Variants in BAZ2A observed in about 807,000 individuals in gnomAD.
The protein encoded by BAZ2A is bromodomain adjacent to zinc finger domain 2A.
A neutral mutation model predicts 199.9 loss-of-function variants in BAZ2A; 34 were observed. The observed-to-expected ratio is 0.17, with a 90% confidence interval of 0.13 to 0.23. The LOEUF (loss-of-function observed/expected upper bound fraction) is 0.23, where lower values mean the gene tolerates loss of function less well. Among genes scored for constraint, BAZ2A ranks in the 10% least tolerant of loss-of-function variants. The pLI is 1.00. For synonymous variants in BAZ2A, 857 were observed against 883.9 expected (o/e 0.97, Z 0.54); for missense variants, 2,002 against 2,391.1 (o/e 0.84, Z 3.39).
At chr12:56,637,841 C>T (rs190001725), upstream of BAZ2A, among the ~76,000 whole-genome samples, 21 of 151,982 alleles carry the variant, frequency 1.4e-4, no homozygotes, top group African/African-American at 4.6e-4. Context: ...ATCACACTAC[C>T]CACAGGAAAC....
rs772914577 is a variant in BAZ2A, at chr12:56,598,786, G to A, written c.5547-3C>T. ...CAAACTCCTCTGAGCTGGTGTACCT[G>A]GACAGGGCAGGGGCAAAACTGTGAG... is the stretch of plus-strand genomic sequence containing the variant. On this transcript the variant is annotated splice_polypyrimidine_tract_variant and splice_region_variant and intron_variant, in intron 28 of 28. Transcript: ENST00000549884. The A allele has an allele frequency of 1.5e-5, 24 of 1,611,204 alleles. No individual in the cohort carries two copies. The highest frequency in any genetic ancestry group is 2.0e-5 in the Non-Finnish European group (23 of 1,178,672).
chr12:56,615,939 A>G (rs1950706660), intron 2 of BAZ2A, among the ~76,000 whole-genome samples: 2 of 151,982 alleles, frequency 1.3e-5, no homozygotes, highest in South Asian at 2.1e-4. Context: ...GAATCTCGCT[A>G]TGTCACCAGG....
intron 1 of BAZ2A, among the ~76,000 whole-genome samples, chr12:56,627,757 T>A (rs1196039854): frequency 1.4e-5 from 2 of 141,012 alleles, no homozygotes. Flanking sequence ...GCCAAAGAGG[T>A]CGGGGCTGCA....
rs997549696 is a variant in BAZ2A, at chr12:56,599,436, G to A, written c.5173-78C>T. ...CCTACTACAATCTCTGCCTAAATAT[G>A]ATTTAAGGCTTCAAAATACTATCAT... On this transcript the variant is annotated intron_variant, in intron 26 of 28. Transcript: ENST00000549884. The A allele has an allele frequency of 2.7e-6, 4 of 1,456,340 alleles. No homozygotes were observed. In the African/African-American group the frequency reaches 5.6e-5, roughly 20 times the overall value. 90.2% of individuals were successfully genotyped at this position (1,456,340 alleles called of 1,614,324 possible).
chr12:56,616,189 C>T (rs1156667753), intron 2 of BAZ2A, among the ~76,000 whole-genome samples: 1 of 152,176 alleles, frequency 6.6e-6, no homozygotes, highest in Non-Finnish European at 1.5e-5. Context: ...GCGTGAGCCA[C>T]CACGCCTGGC....
At chr12:56,638,260 C>T (rs1062544), upstream of BAZ2A, 30 of 1,404,252 alleles carry the variant, frequency 2.1e-5, no homozygotes, top group Non-Finnish European at 2.9e-5. Context: ...GCAGCCTACA[C>T]AGAAAAATGA....
At position 56,600,023 on chromosome 12, in the gene BAZ2A, A is replaced by G; in HGVS notation, c.4966T>C (p.Cys1656Arg). Residue 1656 changes from cysteine (C) to arginine (R), a missense_variant, in exon 25 of 29, where the codon TGC becomes CGC. Transcript: ENST00000549884. ...LERCRSAAQV[C>R]LCLGQLERSI... ...CTCTCCAGCTGGCCCAGGCACAAGC[A>G]CACCTGGGCTGCGCTCCGGCACCGC... The G allele has an allele frequency of 1.9e-6, 3 of 1,614,010 alleles. No homozygotes were observed. Among genetic ancestry groups the G allele is most frequent in the South Asian group, 2.2e-5 (2 of 91,090 alleles).
Position 56,602,190 on chromosome 12 carries a change from G to A in BAZ2A, c.3427C>T (p.Pro1143Ser), listed in dbSNP as rs1886551887. The part of the protein sequence containing the change: ...FVEGTEGNLV[P>S]EEVIKKETDS... ...GTTTCCTTCTTTATCACCTCCTCAG[G>A]AACTGTAAAGAGAAGTAAAGAGTTA... The change falls in exon 20 of 29, where the codon CCT (proline) becomes TCT (serine). Residue 1143 changes from proline to serine, a missense_variant and splice_region_variant. By Grantham distance (74) the Pro-to-Ser change is moderately conservative. Coordinates refer to ENST00000549884, the MANE Select transcript of BAZ2A (RefSeq NM_001300905.2). 1 of 1,573,302 alleles carries A rather than the reference G, an allele frequency of 6.4e-7. No individual in the cohort carries two copies. Among genetic ancestry groups the A allele is most frequent in the South Asian group, 1.2e-5 (1 of 85,776 alleles).
chr12:56,629,973 C>T, intron 1 of BAZ2A, 152 bp downstream of exon 1: 1 of 538,138 alleles, frequency 1.9e-6, no homozygotes, highest in Non-Finnish European at 2.4e-6. Context: ...AGACCCTCGC[C>T]TCGGGTTGGA....
Position 56,617,548 on chromosome 12 carries a change from G to C in BAZ2A, c.-2-16C>G. The C allele has an allele frequency of 1.9e-6, 3 of 1,593,856 alleles. No individual in the cohort carries two copies. On this transcript the variant is annotated splice_polypyrimidine_tract_variant and intron_variant, in intron 1 of 28. Coordinates refer to ENST00000549884, the MANE Select transcript of BAZ2A (RefSeq NM_001300905.2). Reference sequence around the variant, plus strand: ...GCCTCCATTTCTGCAGGAGGGGAGAGAGAGGGAAAAAAAATACTGGCGGTT... The same window carrying C: ...GCCTCCATTTCTGCAGGAGGGGAGACAGAGGGAAAAAAAATACTGGCGGTT...
In BAZ2A at chr12:56,599,917, C is replaced by T. The variant is rs772654052; in HGVS notation, c.5025+47G>A. ...TACCTGCCAGTGACCCCACCCCGCC[C>T]CTGCTGGCTGGCCCCTCAGCCTCTC... On this transcript the variant is annotated intron_variant, in intron 25 of 28. Coordinates refer to ENST00000549884, the MANE Select transcript of BAZ2A (RefSeq NM_001300905.2). The T allele has an allele frequency of 2.5e-6, 4 of 1,613,146 alleles. No homozygotes were observed. The South Asian group carries it at 3.3e-5, about 13-fold the overall frequency.
upstream of BAZ2A, among the ~76,000 whole-genome samples, chr12:56,633,028 A>AT (rs1951356541): frequency 6.6e-6 from 1 of 152,092 alleles, no homozygotes. Flanking sequence ...GCAAATGGTC[A>AT]TTTTATCAGC....
chr12:56,605,100 A>G lies in BAZ2A; in HGVS notation c.2721T>C (p.His907=), dbSNP rs1225847851. The G allele has an allele frequency of 6.2e-7, 1 of 1,611,482 alleles. No homozygotes were observed. Among genetic ancestry groups the G allele is most frequent in the South Asian group, 1.1e-5 (1 of 90,898 alleles). ...GACAGTAGGAGGGAAAGCCAGGATC[A>G]TGGAGTGCAGCCTTCAGCAGCCTGA... ...LLVRLLKAAL[H]DPGFPSYCQS... is the part of the protein sequence containing the mutation. Residue 907 remains histidine, a synonymous_variant, in exon 14 of 29, where the codon CAT becomes CAC. Transcript: ENST00000549884.
intron 1 of BAZ2A, among the ~76,000 whole-genome samples, chr12:56,627,660 A>AC (rs1463776058): frequency 6.6e-6 from 1 of 151,294 alleles, no homozygotes; most frequent in Non-Finnish European, 1.5e-5. Flanking sequence ...CCCCACCTCT[A>AC]CAAAAATTAC....
intron 3 of BAZ2A, among the ~76,000 whole-genome samples, chr12:56,614,559 T>C (rs902261138): frequency 4.6e-5 from 7 of 151,922 alleles, no homozygotes; most frequent in African/African-American, 1.7e-4. Context: ...GGAAACTGAG[T>C]AGACAAATAA....
Position 56,610,176 on chromosome 12 carries a change from G to A in BAZ2A, c.1819C>T (p.His607Tyr). Reference protein sequence around the residue: ...RNVVHSVRREHFSFSPRMPVG... With the variant: ...RNVVHSVRREYFSFSPRMPVG... The stretch of plus-strand genomic sequence containing the variant: ...GGCATACGGGGACTGAAGCTGAAGT[G>A]CTCTCGGCGGACACTGTGTACCACG... The change falls in exon 9 of 29, where the codon CAC becomes TAC. Residue 607 changes from histidine (H) to tyrosine (Y), a missense_variant. His to Tyr is a moderately conservative substitution (Grantham distance 83, BLOSUM62 2). Around this residue, in one of 6 missense-constraint regions of BAZ2A, gnomAD observed 74 missense variants for 126.1 expected, o/e 0.59. Coordinates refer to ENST00000549884, the MANE Select transcript of BAZ2A (RefSeq NM_001300905.2). 3 of 1,613,966 alleles carry A rather than the reference G, an allele frequency of 1.9e-6. No individual in the cohort carries two copies. Among genetic ancestry groups the A allele is most frequent in the Non-Finnish European group, 2.5e-6 (3 of 1,179,888 alleles).
intron 3 of BAZ2A, among the ~76,000 whole-genome samples, chr12:56,614,737 C>T (rs2137060476): frequency 6.6e-6 from 1 of 152,316 alleles, no homozygotes; most frequent in African/African-American, 2.4e-5. Context: ...TTTCTTGATG[C>T]AGGGTGTCTG....
intron 10 of BAZ2A, 37 bp from the exon 11 acceptor site, chr12:56,606,770 A>G: frequency 6.4e-7 from 1 of 1,567,592 alleles, no homozygotes; most frequent in Non-Finnish European, 8.8e-7. Context: ...CAAGTGAGGC[A>G]GGAAGGCAGT....
chr12:56,636,797 C>G (rs369223876), upstream of BAZ2A: 1 of 153,100 alleles, frequency 6.5e-6, no homozygotes, highest in Non-Finnish European at 1.5e-5. Context: ...CAAATCCCAG[C>G]TTTTCTGGGA....
Sources: gnomAD v4.1 joint callset for allele counts (sites outside exome capture counted in the v4.1 genomes callset) on GRCh38, gnomAD v4.1.1 for gene constraint, gnomAD v4.1.1 regional missense constraint, MANE v1.5 for transcripts, NCBI Gene and HGNC (gene_info 2026-07-23, HGNC 2026-07-21) for gene names.